The following CDC73 variants were observed in gnomAD, a reference collection of about 807,000 sequenced individuals.
CDC73 encodes the protein cell division cycle 73.
Under a neutral mutation model 83.7 loss-of-function variants are expected in CDC73, and 21 were observed. The ratio of observed to expected loss-of-function variants is 0.25; its 90% CI spans 0.18 to 0.36. CDC73 has a LOEUF of 0.36. Ranked by LOEUF, CDC73 falls within the 10% of genes least tolerant of loss-of-function variation. CDC73 has a pLI of 1.00. For synonymous variants in CDC73, 224 were observed against 212.9 expected (o/e 1.05, Z -0.45); for missense variants, 342 against 653.3 (o/e 0.52, Z 5.19).
chr1:193,199,453 T>G (rs1677053744), intron 10 of CDC73, among the ~76,000 whole-genome samples: 1 of 152,190 alleles, frequency 6.6e-6, no homozygotes, highest in Non-Finnish European at 1.5e-5. Context: ...GGCTCATGCC[T>G]GTAATCCCAG....
At chr1:193,241,275 A>T (rs931707061) in intron 15 of CDC73, among the ~76,000 whole-genome samples, 1 of 152,148 alleles carries the variant, frequency 6.6e-6, no homozygotes, top group African/African-American at 2.4e-5. Context: ...AAACAGCGTC[A>T]GTGGTGTCTG....
chr1:193,184,516 G>A (rs1220082847), intron 10 of CDC73, among the ~76,000 whole-genome samples: 1 of 151,832 alleles, frequency 6.6e-6, no homozygotes, highest in Non-Finnish European at 1.5e-5. Flanking sequence ...ATAGCTTGTG[G>A]ATGAAGTTCA....
chr1:193,144,086 G>C (rs897490413), intron 7 of CDC73, among the ~76,000 whole-genome samples: 2 of 125,762 alleles, frequency 1.6e-5, no homozygotes, highest in African/African-American at 6.1e-5. Flanking sequence ...CTCTAGCCTG[G>C]GTGACAGAGT....
intron 13 of CDC73, among the ~76,000 whole-genome samples, chr1:193,220,642 T>A (rs1677452892): frequency 6.6e-6 from 1 of 152,194 alleles, no homozygotes; most frequent in Non-Finnish European, 1.5e-5. Flanking sequence ...ACAAGTATAT[T>A]CATACCTGAA....
At chr1:193,206,043 T>C (rs16835204) in intron 11 of CDC73, among the ~76,000 whole-genome samples, 8,219 of 152,182 alleles carry the variant, frequency 0.054, 516 homozygotes, top group African/African-American at 0.16. Context: ...TTTTCTATTT[T>C]GCATTTTCAT....
At chr1:193,187,783 GT>G (rs1379077638) in intron 10 of CDC73, among the ~76,000 whole-genome samples, 1 of 152,058 alleles carries the variant, frequency 6.6e-6, no homozygotes, top group African/African-American at 2.4e-5. Flanking sequence ...AATGTGCTTT[GT>G]AGTTTTAAGA....
intron 9 of CDC73, among the ~76,000 whole-genome samples, chr1:193,152,104 A>G (rs1053851805): frequency 1.3e-5 from 2 of 152,184 alleles, no homozygotes; most frequent in African/African-American, 4.8e-5. Context: ...AAAGTATTCA[A>G]TCTTAATTTT....
intron 10 of CDC73, chr1:193,180,600 T>C: frequency 6.2e-7 from 1 of 1,614,098 alleles, no homozygotes; most frequent in Non-Finnish European, 8.5e-7. Flanking sequence ...CTGCCAGATC[T>C]CCAGAAAAAA....
chr1:193,218,718 T>C (rs1677412356), intron 13 of CDC73, among the ~76,000 whole-genome samples: 1 of 152,174 alleles, frequency 6.6e-6, no homozygotes, highest in African/African-American at 2.4e-5. Context: ...TGCAGAAGAT[T>C]GAAACCGAAC....
chr1:193,175,961 CCT>C (rs1422279886), intron 10 of CDC73, among the ~76,000 whole-genome samples: 11 of 152,136 alleles, frequency 7.2e-5, no homozygotes, highest in African/African-American at 2.4e-4. Flanking sequence ...CATTCTCTTC[CCT>C]CTCTTGCATG....
chr1:193,126,721 TAAC>T (rs1187320104), intron 2 of CDC73, among the ~76,000 whole-genome samples: 2 of 152,226 alleles, frequency 1.3e-5, no homozygotes, highest in African/African-American at 4.8e-5. Flanking sequence ...TATTTATAAA[TAAC>T]TACTTTTTCC....
At chr1:193,219,080 G>A (rs1435007199) in intron 13 of CDC73, among the ~76,000 whole-genome samples, 1 of 152,160 alleles carries the variant, frequency 6.6e-6, no homozygotes, top group African/African-American at 2.4e-5. Flanking sequence ...CAAAGGACAC[G>A]AACAGACACT....
chr1:193,230,143 CT>C (rs944930837), intron 13 of CDC73, among the ~76,000 whole-genome samples: 250 of 135,054 alleles, frequency 1.9e-3, no homozygotes, highest in Middle Eastern at 3.9e-3. Flanking sequence ...CATTCCCATT[CT>C]TTTTTTTTTT....
chr1:193,220,624 C>T lies in CDC73; in HGVS notation c.1154+8147C>T, dbSNP rs191551470. Among the ~76,000 whole-genome samples, 229 of 152,114 alleles carry T rather than the reference C, an allele frequency of 1.5e-3. 1 individual carries two copies. Among genetic ancestry groups the T allele is most frequent in the African/African-American group, 4.7e-3 (197 of 41,484 alleles). ...CTTTCTTTACAAAATCTAGGTATCC[C>T]GGCACATACAAGTATATTCATACCT... On this transcript the variant is annotated intron_variant, in intron 13 of 16. Coordinates refer to ENST00000367435, the MANE Select transcript of CDC73 (RefSeq NM_024529.5).
chr1:193,252,309 A>C lies in CDC73; in HGVS notation c.*1597A>C, dbSNP rs543187347. The C allele has an allele frequency of 2.6e-5, 6 of 230,388 alleles. No individual in the cohort carries two copies. Among genetic ancestry groups the C allele is most frequent in the African/African-American group, 4.4e-5 (2 of 45,354 alleles). 14.3% of individuals were successfully genotyped at this position (230,388 alleles called of 1,614,324 possible). A position where few individuals can be genotyped will look rare whatever the true frequency, so the allele number is the denominator to read the frequency against. ...TTTGTTTACATTAGGCTTTCTTAGC[A>C]TATAAATATATTTCCAAAATAAATT... On this transcript the variant is annotated 3_prime_UTR_variant, in exon 17 of 17. Transcript: ENST00000367435.
At chr1:193,190,909 A>G (rs1489720136) in intron 10 of CDC73, among the ~76,000 whole-genome samples, 3 of 152,168 alleles carry the variant, frequency 2.0e-5, no homozygotes, top group African/African-American at 7.2e-5. Context: ...TTTCTAGTTA[A>G]CAGAATGATT....
intron 13 of CDC73, among the ~76,000 whole-genome samples, chr1:193,212,696 A>G (rs1244531433): frequency 1.3e-5 from 2 of 152,202 alleles, no homozygotes; most frequent in Non-Finnish European, 2.9e-5. Context: ...CTAAAGTCCT[A>G]ATGAAAAAAG....
chr1:193,170,734 T>C (rs1213665871), intron 10 of CDC73, among the ~76,000 whole-genome samples: 1 of 152,238 alleles, frequency 6.6e-6, no homozygotes, highest in African/African-American at 2.4e-5. Flanking sequence ...GTTTTCTTTT[T>C]ACTCTGTTGA....
intron 8 of CDC73, among the ~76,000 whole-genome samples, chr1:193,149,624 C>T (rs1161028895): frequency 6.6e-6 from 1 of 152,070 alleles, no homozygotes; most frequent in East Asian, 1.9e-4. Flanking sequence ...ATATACTTAT[C>T]ATTCTTGATA....
Sources: allele counts gnomAD v4.1 joint callset (sites outside exome capture counted in the v4.1 genomes callset), GRCh38; gene constraint gnomAD v4.1.1; transcripts MANE v1.5; gene names NCBI Gene and HGNC (gene_info 2026-07-23, HGNC 2026-07-21).